FAM222B: variants seen among roughly 807,000 people sequenced by gnomAD.
FAM222B encodes protein FAM222B.
A neutral mutation model predicts 38.0 loss-of-function variants in FAM222B; 12 were observed. The observed-to-expected ratio is 0.32, with a 90% CI of 0.20 to 0.51. The LOEUF is 0.51. FAM222B is among the 20% of genes least tolerant of loss of function. FAM222B has a pLI of 0.97. For missense variants in FAM222B, 716 were observed against 754.2 expected (o/e 0.95, Z 0.59); for synonymous variants, 329 against 317.2 (o/e 1.04, Z -0.40).
intron 1 of FAM222B, among the ~76,000 whole-genome samples, chr17:28,851,498 C>G (rs945157608): frequency 3.9e-5 from 6 of 152,016 alleles, no homozygotes; most frequent in African/African-American, 1.4e-4. Context: ...CATGCCATTG[C>G]ACTCCAGCCT....
chr17:28,774,541 C>G (rs530497528), intron 1 of FAM222B, among the ~76,000 whole-genome samples: 4 of 152,290 alleles, frequency 2.6e-5, no homozygotes, highest in African/African-American at 7.2e-5. Flanking sequence ...CAGACTACCT[C>G]TAATTAAGGA....
chr17:28,833,182 G>A (rs1222087793), intron 1 of FAM222B, among the ~76,000 whole-genome samples: 6 of 151,774 alleles, frequency 4.0e-5, no homozygotes, highest in Admixed American at 1.3e-4. Flanking sequence ...GGTGGCACGC[G>A]CCTGTAGTCC....
upstream of FAM222B, among the ~76,000 whole-genome samples, chr17:28,846,202 CAAAA>C (rs35170639): frequency 8.3e-6 from 1 of 120,712 alleles, no homozygotes; most frequent in Admixed American, 8.9e-5. Flanking sequence ...GACTCCATCT[CAAAA>C]AAAAAAAAAA....
chr17:28,806,520 C>T (rs2037504466), intron 1 of FAM222B, among the ~76,000 whole-genome samples: 1 of 152,144 alleles, frequency 6.6e-6, no homozygotes, highest in South Asian at 2.1e-4. Flanking sequence ...CCTTCGGTGG[C>T]TGGGTCAGGA....
chr17:28,757,979 T>G lies in FAM222B; in HGVS notation c.*291A>C. The stretch of plus-strand genomic sequence containing the variant: ...AAACAGGAAGAGATTCAAGAAAAGA[T>G]GGGTGGGAGCTGGCTGGAAATGGCC... On this transcript the variant is annotated 3_prime_UTR_variant, in exon 3 of 3. Coordinates refer to ENST00000581407, the MANE Select transcript of FAM222B (RefSeq NM_001077498.3). 1 of 304,106 alleles carries G rather than the reference T, an allele frequency of 3.3e-6. No individual in the cohort carries two copies. The highest frequency in any genetic ancestry group is 6.1e-6 in the Non-Finnish European group (1 of 163,992). The allele number at this position is 304,106 out of a possible 1,614,324, so 18.8% of individuals were successfully genotyped here.
At chr17:28,760,443 G>T (rs976130188) in intron 2 of FAM222B, among the ~76,000 whole-genome samples, 1 of 152,106 alleles carries the variant, frequency 6.6e-6, no homozygotes, top group African/African-American at 2.4e-5. Context: ...AGGCGTGATG[G>T]CAAGCACCTG....
chr17:28,843,848 G>T (rs1433042227), upstream of FAM222B, among the ~76,000 whole-genome samples: 1 of 152,128 alleles, frequency 6.6e-6, no homozygotes, highest in Non-Finnish European at 1.5e-5. Flanking sequence ...GCTAGGAGGT[G>T]CAATGAAGTC....
At chr17:28,814,653 G>A (rs1283183342) in intron 1 of FAM222B, among the ~76,000 whole-genome samples, 1 of 152,008 alleles carries the variant, frequency 6.6e-6, no homozygotes, top group Admixed American at 6.6e-5. Context: ...TTTTACTCGA[G>A]ACGGGGTTTC....
chr17:28,804,715 A>G (rs1159528512), intron 1 of FAM222B, among the ~76,000 whole-genome samples: 1 of 152,150 alleles, frequency 6.6e-6, no homozygotes, highest in Non-Finnish European at 1.5e-5. Context: ...TTCTAGGTCC[A>G]GTACTGAGTT....
At chr17:28,770,380 G>A (rs1243328484) in intron 1 of FAM222B, among the ~76,000 whole-genome samples, 2 of 152,114 alleles carry the variant, frequency 1.3e-5, no homozygotes, top group Non-Finnish European at 2.9e-5. Context: ...TTTTCCCAAA[G>A]CCTGTGGCTC....
intron 1 of FAM222B, among the ~76,000 whole-genome samples, chr17:28,805,525 C>A (rs150971736): frequency 1.4e-3 from 211 of 151,720 alleles, no homozygotes; most frequent in African/African-American, 5.0e-3. Flanking sequence ...ACAGAGCAAG[C>A]CTCCCATCTC....
intron 1 of FAM222B, among the ~76,000 whole-genome samples, chr17:28,823,426 C>T (rs878950768): frequency 2.0e-5 from 3 of 150,834 alleles, no homozygotes; most frequent in Admixed American, 1.3e-4. Context: ...TGCAATTAGG[C>T]CGGAGTGCAG....
chr17:28,815,288 A>G (rs2037978300), intron 1 of FAM222B, among the ~76,000 whole-genome samples: 1 of 149,930 alleles, frequency 6.7e-6, no homozygotes, highest in Non-Finnish European at 1.5e-5. Flanking sequence ...ATCTCGGCGC[A>G]CTGCAACCTC....
intron 1 of FAM222B, among the ~76,000 whole-genome samples, chr17:28,778,828 T>C (rs1443757033): frequency 6.8e-6 from 1 of 146,750 alleles, no homozygotes; most frequent in Non-Finnish European, 1.5e-5. Context: ...CCTCCCAAAG[T>C]GCTGGGATTA....
At chr17:28,846,332 C>A (rs2039145895), upstream of FAM222B, among the ~76,000 whole-genome samples, 1 of 151,804 alleles carries the variant, frequency 6.6e-6, no homozygotes, top group Non-Finnish European at 1.5e-5. Flanking sequence ...CTACACTACA[C>A]CGCAGCCTAA....
intron 1 of FAM222B, among the ~76,000 whole-genome samples, chr17:28,822,789 CAA>C (rs1336415586): frequency 2.2e-5 from 1 of 45,366 alleles, no homozygotes; most frequent in Non-Finnish European, 4.0e-5. Flanking sequence ...GGCGATAGAG[CAA>C]GACTCCATCT....
chr17:28,794,682 A>C (rs2036857859), intron 1 of FAM222B, among the ~76,000 whole-genome samples: 2 of 152,222 alleles, frequency 1.3e-5, no homozygotes, highest in South Asian at 4.1e-4. Context: ...AGTTTGAAGA[A>C]AGCAGAAGGG....
chr17:28,828,973 T>C (rs896790575), intron 1 of FAM222B, among the ~76,000 whole-genome samples: 3 of 152,004 alleles, frequency 2.0e-5, no homozygotes, highest in African/African-American at 7.3e-5. Flanking sequence ...TGGCGCCATC[T>C]CGGCTCACTG....
chr17:28,772,132 C>G lies in FAM222B; in HGVS notation c.-40-5425G>C, dbSNP rs138442608. ...AACCAAAAACCTCAACCTTAAGAAA[C>G]GTTCACATCTGTATAGCTAATACTC... is the stretch of plus-strand genomic sequence containing the variant. On this transcript the variant is annotated intron_variant, in intron 1 of 2. Coordinates refer to ENST00000581407, the MANE Select transcript of FAM222B (RefSeq NM_001077498.3). 1.9e-3 allele frequency among the ~76,000 whole-genome samples: 283 copies of G among 152,206 alleles called. No homozygotes were observed. The East Asian group carries it at 0.031, about 17-fold the overall frequency.
Sources: gnomAD v4.1 joint callset for allele counts (sites outside exome capture counted in the v4.1 genomes callset) on GRCh38, gnomAD v4.1.1 for gene constraint, MANE v1.5 for transcripts, NCBI Gene and HGNC (gene_info 2026-07-23, HGNC 2026-07-21) for gene names.